Variants in MYO16 observed in about 807,000 individuals in gnomAD.
The protein encoded by MYO16 is myosin XVI.
A neutral mutation model predicts 205.3 loss-of-function variants in MYO16; 94 were observed. The ratio of observed to expected loss-of-function variants is 0.46; its 90% CI spans 0.39 to 0.54. MYO16 has a LOEUF of 0.54. MYO16 is among the 20% of genes least tolerant of loss of function. The pLI is 0.00. For missense variants in MYO16, 2,315 were observed against 2,387.5 expected (o/e 0.97, Z 0.63); for synonymous variants, 988 against 954.0 (o/e 1.04, Z -0.66).
intron 27 of MYO16, among the ~76,000 whole-genome samples, chr13:109,067,291 G>T (rs1001571750): frequency 6.6e-6 from 1 of 152,182 alleles, no homozygotes; most frequent in Non-Finnish European, 1.5e-5. Flanking sequence ...ACATTTATCA[G>T]TATTTACTAG....
chr13:109,010,782 G>T (rs1885564844), intron 22 of MYO16, among the ~76,000 whole-genome samples: 1 of 151,792 alleles, frequency 6.6e-6, no homozygotes, highest in South Asian at 2.1e-4. Flanking sequence ...AGCAATGATG[G>T]ATAATATTGT....
intron 27 of MYO16, among the ~76,000 whole-genome samples, chr13:109,083,023 G>A (rs1277263737): frequency 6.6e-6 from 1 of 152,096 alleles, no homozygotes; most frequent in Non-Finnish European, 1.5e-5. Flanking sequence ...GGTAATAAAT[G>A]AAAACCAGAT....
intron 15 of MYO16, among the ~76,000 whole-genome samples, chr13:108,898,351 A>AGTGTGTGTGTGTGTGT (rs3042037): frequency 0.048 from 6,946 of 144,998 alleles, 270 homozygotes; most frequent in Non-Finnish European, 0.073. Context: ...AGGGTGTGTG[A>AGTGTGTGTGTGTGTGT]GTGTGTGTGT....
intron 5 of MYO16, among the ~76,000 whole-genome samples, chr13:108,786,247 T>C (rs1594292777): frequency 6.6e-6 from 1 of 152,220 alleles, no homozygotes; most frequent in Non-Finnish European, 1.5e-5. Flanking sequence ...GAAAGCCCTA[T>C]GGCCATGATG....
rs1042863183 is a variant in MYO16, at chr13:109,177,611, A to G, written c.5324-1931A>G. On this transcript the variant is annotated intron_variant, in intron 33 of 34. Transcript: ENST00000457511. Reference sequence around the variant, plus strand: ...TTGGCTCACTGCAACTCTCCCTCCCAGGTTCAAGCGATTCTCCTGCCTCAG... The same window carrying G: ...TTGGCTCACTGCAACTCTCCCTCCCGGGTTCAAGCGATTCTCCTGCCTCAG... 7.2e-5 allele frequency among the ~76,000 whole-genome samples: 11 copies of G among 152,038 alleles called. No homozygotes were observed. In the East Asian group the frequency reaches 7.7e-4, roughly 11 times the overall value.
chr13:109,131,778 T>C (rs1365284627), intron 31 of MYO16, among the ~76,000 whole-genome samples: 1 of 152,102 alleles, frequency 6.6e-6, no homozygotes, highest in Non-Finnish European at 1.5e-5. Flanking sequence ...CCAGCTGGAG[T>C]GCTGTTCTGC....
intron 2 of MYO16, among the ~76,000 whole-genome samples, chr13:108,705,476 GAGA>G (rs1212180230): frequency 9.2e-5 from 14 of 152,314 alleles, no homozygotes; most frequent in African/African-American, 3.4e-4. Context: ...ATTTTGAAGA[GAGA>G]AGGAGACCAC....
intron 9 of MYO16, among the ~76,000 whole-genome samples, chr13:108,838,253 GA>G (rs932816260): frequency 1.7e-4 from 25 of 150,226 alleles, no homozygotes; most frequent in Admixed American, 4.0e-4. Context: ...TTGTGAAAAT[GA>G]AAAAAAAATT....
the MYO16 span, among the ~76,000 whole-genome samples, chr13:108,561,336 C>T: frequency 6.6e-6 from 1 of 152,202 alleles, no homozygotes. Context: ...TATTTACTCT[C>T]TTTTATTCTC....
At chr13:108,919,508 ATCT>A (rs558267786) in intron 16 of MYO16, among the ~76,000 whole-genome samples, 25 of 152,364 alleles carry the variant, frequency 1.6e-4, no homozygotes, top group African/African-American at 5.5e-4. Flanking sequence ...GTTCTTTGAC[ATCT>A]TCTCCTTTAG....
intron 4 of MYO16, among the ~76,000 whole-genome samples, chr13:108,759,862 C>T (rs973569136): frequency 6.6e-6 from 1 of 151,364 alleles, no homozygotes; most frequent in African/African-American, 2.4e-5. Flanking sequence ...AATTGGACTG[C>T]TCTAGGGATA....
chr13:108,892,265 G>T (rs994368821), intron 14 of MYO16, among the ~76,000 whole-genome samples: 3 of 151,656 alleles, frequency 2.0e-5, no homozygotes, highest in African/African-American at 7.3e-5. Context: ...TTTTTTTTTT[G>T]AAATGGAGTC....
intron 31 of MYO16, among the ~76,000 whole-genome samples, chr13:109,134,248 C>T (rs1459567657): frequency 6.6e-6 from 1 of 152,114 alleles, no homozygotes; most frequent in Non-Finnish European, 1.5e-5. Flanking sequence ...CAAGTTTGGA[C>T]CCTTGAGTCA....
At chr13:109,074,213 C>T (rs1386931956) in intron 27 of MYO16, among the ~76,000 whole-genome samples, 1 of 152,140 alleles carries the variant, frequency 6.6e-6, no homozygotes, top group Non-Finnish European at 1.5e-5. Flanking sequence ...AAGATGGTAA[C>T]ATCTATCACC....
Position 108,898,117 on chromosome 13 carries a change from A to G in MYO16, c.1761A>G (p.Lys587=), listed in dbSNP as rs1880518501. The G allele has an allele frequency of 3.7e-6, 6 of 1,610,924 alleles. No individual in the cohort carries two copies. The highest frequency in any genetic ancestry group is 5.1e-6 in the Non-Finnish European group (6 of 1,177,078). Residue 587 remains lysine (K), a synonymous_variant, in exon 15 of 35, where the codon AAA becomes AAG. Transcript: ENST00000457511. ...TTGAACTGCAGTTCTGTGAGAGGAA[A>G]CAACAGCTAACCGGAGGTAAGTGCA... The part of the protein sequence containing the change: ...KYFELQFCER[K]QQLTGARIYT...
chr13:109,181,212 T>G (rs1423122111), intron 34 of MYO16, among the ~76,000 whole-genome samples: 1 of 148,868 alleles, frequency 6.7e-6, no homozygotes, highest in Non-Finnish European at 1.5e-5. Flanking sequence ...ACATCCCTGA[T>G]GAGGCAGGAA....
intron 1 of MYO16, among the ~76,000 whole-genome samples, chr13:108,646,055 C>A (rs534972646): frequency 1.6e-3 from 247 of 152,306 alleles, no homozygotes; most frequent in African/African-American, 5.6e-3. Context: ...CTGTAGGTGA[C>A]CCCTGTCCTC....
chr13:108,524,602 T>C, the MYO16 span, among the ~76,000 whole-genome samples: 1 of 152,212 alleles, frequency 6.6e-6, no homozygotes, highest in African/African-American at 2.4e-5. Flanking sequence ...TTAATACAAG[T>C]GTGTGCGTGT....
At chr13:108,536,759 G>A in the MYO16 span, among the ~76,000 whole-genome samples, 25 of 152,130 alleles carry the variant, frequency 1.6e-4, no homozygotes, top group South Asian at 6.2e-4. Context: ...AATAAGATAT[G>A]TCTATACAAT....
Sources: allele counts gnomAD v4.1 joint callset (sites outside exome capture counted in the v4.1 genomes callset), GRCh38; gene constraint gnomAD v4.1.1; transcripts MANE v1.5; gene names NCBI Gene and HGNC (gene_info 2026-07-23, HGNC 2026-07-21).